Variants in TRIM2 observed in about 807,000 individuals in gnomAD.
TRIM2 encodes tripartite motif-containing protein 2.
In TRIM2, 20 loss-of-function variants were observed where a neutral mutation model predicts 75.2. That is an observed-to-expected ratio of 0.27 (90% CI 0.19 to 0.39). The LOEUF is 0.39. Ranked by LOEUF, TRIM2 falls within the 10% of genes least tolerant of loss-of-function variation. TRIM2 has a pLI of 1.00. For synonymous variants in TRIM2, 373 were observed against 388.3 expected, an observed-to-expected ratio of 0.96 and a Z score of 0.46; for missense variants, 660 against 990.8, an observed-to-expected ratio of 0.67 and a Z score of 4.48.
intron 6 of TRIM2, among the ~76,000 whole-genome samples, chr4:153,303,515 A>T (rs1013963581): frequency 1.3e-5 from 2 of 151,626 alleles, no homozygotes; most frequent in African/African-American, 4.8e-5. Context: ...TTCTACAATT[A>T]TGCCTTTGTG....
At chr4:153,175,630 G>A (rs1042667721) in intron 1 of TRIM2, among the ~76,000 whole-genome samples, 5 of 152,132 alleles carry the variant, frequency 3.3e-5, no homozygotes, top group Admixed American at 3.3e-4. Context: ...GGCTACATAT[G>A]CAACATGATG....
At chr4:153,152,541 C>T (rs995574434), upstream of TRIM2, 1 of 151,790 alleles carries the variant, frequency 6.6e-6, no homozygotes, top group Non-Finnish European at 1.5e-5. Flanking sequence ...GATTGAGTCG[C>T]TATCAAGGAG....
At chr4:153,267,343 T>A (rs774395169) in intron 1 of TRIM2, among the ~76,000 whole-genome samples, 15 of 152,200 alleles carry the variant, frequency 9.9e-5, no homozygotes, top group Non-Finnish European at 1.6e-4. Context: ...GAGCCTCTGT[T>A]TTGTTTCTTC....
intron 1 of TRIM2, among the ~76,000 whole-genome samples, chr4:153,242,531 T>C (rs772537067): frequency 3.3e-5 from 5 of 152,192 alleles, no homozygotes; most frequent in Admixed American, 6.5e-5. Context: ...ATTTATAAAC[T>C]CTTAACCATT....
At chr4:153,226,689 C>T (rs1047804488) in intron 1 of TRIM2, among the ~76,000 whole-genome samples, 6 of 152,136 alleles carry the variant, frequency 3.9e-5, no homozygotes, top group South Asian at 2.1e-4. Context: ...TGAGGACTAG[C>T]GTTTTAGTAC....
At chr4:153,166,171 G>A (rs1730284419) in intron 1 of TRIM2, among the ~76,000 whole-genome samples, 1 of 151,858 alleles carries the variant, frequency 6.6e-6, no homozygotes, top group South Asian at 2.1e-4. Flanking sequence ...TTGCTCTGAA[G>A]ATACTAAATA....
chr4:153,153,734 C>A (rs113247017), intron 1 of TRIM2, among the ~76,000 whole-genome samples: 1 of 152,198 alleles, frequency 6.6e-6, no homozygotes, highest in African/African-American at 2.4e-5. Flanking sequence ...TGCAGGGACA[C>A]GGGCGTGGCG....
At position 153,244,286 on chromosome 4, in the gene TRIM2, C is replaced by T. The variant is rs915539024; in HGVS notation, c.31-26049C>T. Among the ~76,000 whole-genome samples the T allele has an allele frequency of 3.5e-3, 127 of 35,976 alleles. 11 individuals are homozygous for T. Among genetic ancestry groups the T allele is most frequent in the Non-Finnish European group, 5.1e-3 (84 of 16,420 alleles). The allele number at this position is 35,976 out of a possible 152,430, so 23.6% of individuals were successfully genotyped here. The stretch of plus-strand genomic sequence containing the variant: ...CCTCCTCCTCCTCCTCCTCCTCCTC[C>T]TCCTCCTCCTCCTCCTCCTCCTCCT... On this transcript the variant is annotated intron_variant, in intron 1 of 11. Coordinates refer to ENST00000338700, the MANE Select transcript of TRIM2 (RefSeq NM_015271.5).
chr4:153,252,418 C>G (rs1183728603), intron 1 of TRIM2, among the ~76,000 whole-genome samples: 1 of 152,230 alleles, frequency 6.6e-6, no homozygotes, highest in Non-Finnish European at 1.5e-5. Context: ...GGGCTGGTCA[C>G]TTTACCTTTC....
rs140640034 is a variant in TRIM2, at chr4:153,308,119, C to T, written c.1511-7366C>T. The T allele has an allele frequency of 1.8e-3, 1,807 of 999,894 alleles. 32 individuals are homozygous for T. In the African/African-American group the frequency reaches 0.025, roughly 14 times the overall value. 61.9% of individuals were successfully genotyped at this position (999,894 alleles called of 1,614,324 possible). A position where few individuals can be genotyped will look rare whatever the true frequency, so the allele number is the denominator to read the frequency against. On this transcript the variant is annotated intron_variant, in intron 6 of 11. Transcript: ENST00000338700. ...TGGGACATGCTCCGCTCGGTCATGA[C>T]GCTGATCCACTTGGGAACTTCAGTT...
intron 1 of TRIM2, among the ~76,000 whole-genome samples, chr4:153,184,346 T>C (rs1471359712): frequency 6.6e-6 from 1 of 152,104 alleles, no homozygotes; most frequent in South Asian, 2.1e-4. Context: ...TGTGCACACG[T>C]GGAGAGAGAG....
intron 1 of TRIM2, among the ~76,000 whole-genome samples, chr4:153,251,756 A>G (rs543751254): frequency 1.3e-5 from 2 of 152,148 alleles, no homozygotes; most frequent in Non-Finnish European, 2.9e-5. Flanking sequence ...AGATGGGCAT[A>G]TCACTTGAGC....
rs145049224 is a variant in TRIM2, at chr4:153,189,750, C to T, written c.-49+36480C>T. Among the ~76,000 whole-genome samples, 10 of 152,210 alleles carry T rather than the reference C, an allele frequency of 6.6e-5. No individual in the cohort carries two copies. The South Asian group carries it at 1.2e-3, about 19-fold the overall frequency. The stretch of plus-strand genomic sequence containing the variant: ...ATGTCTGGAACACTGTAGCCACCTG[C>T]GGTTTATTTAATGAATCAGTAACAA... On this transcript the variant is annotated intron_variant, in intron 1 of 11. Transcript: ENST00000437508.
At chr4:153,253,034 A>C (rs1751241927) in intron 1 of TRIM2, among the ~76,000 whole-genome samples, 1 of 152,232 alleles carries the variant, frequency 6.6e-6, no homozygotes, top group Admixed American at 6.5e-5. Context: ...GGAACCTTCA[A>C]CAGTTTCTAG....
chr4:153,175,758 A>G (rs1389784814), intron 1 of TRIM2, among the ~76,000 whole-genome samples: 1 of 152,236 alleles, frequency 6.6e-6, no homozygotes, highest in Non-Finnish European at 1.5e-5. Context: ...TGGAAAGGAC[A>G]TTATTGGGAT....
Position 153,267,488 on chromosome 4 carries a change from T to TAAA in TRIM2, c.31-2844_31-2842dup, listed in dbSNP as rs10631431. On this transcript the variant is annotated intron_variant, in intron 1 of 11. Transcript: ENST00000338700. ...TAACATGGTGAAACCCCATCTCTAC[T>TAAA]AAAAATACAAAAAATTAGCCGGGCG... is the stretch of plus-strand genomic sequence containing the variant. 2.0e-5 allele frequency among the ~76,000 whole-genome samples: 3 copies of TAAA among 150,956 alleles called. 1 individual carries two copies. The highest frequency in any genetic ancestry group is 2.1e-4 in the South Asian group (1 of 4,786).
intron 6 of TRIM2, among the ~76,000 whole-genome samples, chr4:153,303,310 A>T (rs575894991): frequency 0.011 from 1,576 of 141,104 alleles, 12 homozygotes; most frequent in Middle Eastern, 0.067. Context: ...CTAAAAAAAA[A>T]AAATATATAA....
chr4:153,211,593 C>T (rs548921741), intron 1 of TRIM2, among the ~76,000 whole-genome samples: 56 of 149,824 alleles, frequency 3.7e-4, no homozygotes, highest in Admixed American at 7.4e-4. Flanking sequence ...ACAGGTGATT[C>T]TCCCACCTTA....
At chr4:153,169,066 G>A (rs1421636310) in intron 1 of TRIM2, among the ~76,000 whole-genome samples, 1 of 150,088 alleles carries the variant, frequency 6.7e-6, no homozygotes, top group Non-Finnish European at 1.5e-5. Flanking sequence ...ATGACAGAGC[G>A]AGACTTATCT....
Sources: gnomAD v4.1 joint callset for allele counts (sites outside exome capture counted in the v4.1 genomes callset) on GRCh38, gnomAD v4.1.1 for gene constraint, MANE v1.5 for transcripts, NCBI Gene and HGNC (gene_info 2026-07-23, HGNC 2026-07-21) for gene names.